The following HAPLN1 variants were observed in gnomAD, a reference collection of about 807,000 sequenced individuals.
The protein encoded by HAPLN1 is Cartilage link protein.
Under a neutral mutation model 36.5 loss-of-function variants are expected in HAPLN1, and 13 were observed. The observed-to-expected ratio is 0.36, with a 90% CI of 0.23 to 0.57. The LOEUF (loss-of-function observed/expected upper bound fraction) is 0.57, where lower values mean the gene tolerates loss of function less well. HAPLN1 is among the 20% of genes least tolerant of loss of function. The pLI is 0.83. For missense variants in HAPLN1, 407 were observed against 439.7 expected, an observed-to-expected ratio of 0.93 and a Z score of 0.66; for synonymous variants, 202 against 169.8, an observed-to-expected ratio of 1.19 and a Z score of -1.48.
At position 83,648,395 on chromosome 5, in the gene HAPLN1, C is replaced by CTATATATATATA. The variant is rs56115447; in HGVS notation, c.473-3742_473-3731dup. ...GGATGTGGCCTCTTCCTATATTTGA[C>CTATATATATATA]TATATATATATATATATATATATAT... On this transcript the variant is annotated intron_variant, in intron 3 of 4. Coordinates refer to ENST00000274341, the MANE Select transcript of HAPLN1 (RefSeq NM_001884.4). Among the ~76,000 whole-genome samples, 139 of 60,628 alleles carry CTATATATATATA rather than the reference C, an allele frequency of 2.3e-3. 5 individuals are homozygous for CTATATATATATA. Among genetic ancestry groups the CTATATATATATA allele is most frequent in the African/African-American group, 2.5e-3 (43 of 16,864 alleles). The allele number at this position is 60,628 out of a possible 152,430, so 39.8% of individuals were successfully genotyped here.
At chr5:83,691,474 G>C (rs781524999) in intron 1 of HAPLN1, among the ~76,000 whole-genome samples, 7 of 152,010 alleles carry the variant, frequency 4.6e-5, no homozygotes, top group Admixed American at 2.0e-4. Context: ...AATTCTTGGA[G>C]AAGGTTTAAA....
At chr5:83,650,625 T>A (rs1175791041) in intron 3 of HAPLN1, among the ~76,000 whole-genome samples, 1 of 141,736 alleles carries the variant, frequency 7.1e-6, no homozygotes, top group Non-Finnish European at 1.5e-5. Flanking sequence ...GAGAAAAAAA[T>A]TCTTTTCTTT....
intron 2 of HAPLN1, among the ~76,000 whole-genome samples, 172 bp from the exon 3 acceptor site, chr5:83,652,996 G>C (rs1750115733): frequency 2.0e-5 from 3 of 152,086 alleles, no homozygotes. Flanking sequence ...CTAATAACTA[G>C]AAGGTATCTC....
At chr5:83,712,052 A>G (rs1751796798) in intron 1 of HAPLN1, among the ~76,000 whole-genome samples, 1 of 152,216 alleles carries the variant, frequency 6.6e-6, no homozygotes, top group Admixed American at 6.5e-5. Flanking sequence ...ACTTGAAGTT[A>G]CTTTCTCTGT....
intron 1 of HAPLN1, among the ~76,000 whole-genome samples, chr5:83,714,363 TA>T (rs1168523512): frequency 1.3e-5 from 2 of 152,066 alleles, no homozygotes; most frequent in East Asian, 3.9e-4. Flanking sequence ...TGGGGTATAA[TA>T]AAAAAAACTA....
chr5:83,682,023 C>T (rs950308430), intron 1 of HAPLN1, among the ~76,000 whole-genome samples: 1 of 152,112 alleles, frequency 6.6e-6, no homozygotes, highest in South Asian at 2.1e-4. Context: ...TCGATCATTA[C>T]GTCAGTTTCA....
chr5:83,697,759 G>T (rs191038861), intron 1 of HAPLN1, among the ~76,000 whole-genome samples: 1 of 152,112 alleles, frequency 6.6e-6, no homozygotes, highest in African/African-American at 2.4e-5. Flanking sequence ...ATCTCATTAG[G>T]GGTATAACTC....
At chr5:83,706,915 C>T (rs1336256358) in intron 1 of HAPLN1, among the ~76,000 whole-genome samples, 1 of 152,150 alleles carries the variant, frequency 6.6e-6, no homozygotes, top group Non-Finnish European at 1.5e-5. Flanking sequence ...AAATCACTAG[C>T]ATTCCTATAC....
At chr5:83,649,241 A>G (rs1749974907) in intron 3 of HAPLN1, among the ~76,000 whole-genome samples, 4 of 152,176 alleles carry the variant, frequency 2.6e-5, no homozygotes. Context: ...GACAATGAAA[A>G]GTTAAACATT....
chr5:83,714,839 T>C (rs1367916832), intron 1 of HAPLN1, among the ~76,000 whole-genome samples: 1 of 152,214 alleles, frequency 6.6e-6, no homozygotes, highest in Non-Finnish European at 1.5e-5. Flanking sequence ...TGAAGCACTG[T>C]CATGAAGGGC....
Position 83,714,237 on chromosome 5 carries a change from C to T in HAPLN1, c.-27+6552G>A, listed in dbSNP as rs530002032. On this transcript the variant is annotated intron_variant, in intron 1 of 4. Coordinates refer to ENST00000274341, the MANE Select transcript of HAPLN1 (RefSeq NM_001884.4). The stretch of plus-strand genomic sequence containing the variant: ...ACTGGAAAGACACGAAAGGAAATCA[C>T]CTCTCTAAATCAGGGTCATCAGTCC... Among the ~76,000 whole-genome samples, 7 of 152,240 alleles carry T rather than the reference C, an allele frequency of 4.6e-5. No individual in the cohort carries two copies. The South Asian group carries it at 1.0e-3, about 23-fold the overall frequency.
chr5:83,690,987 G>T (rs1273808730), intron 1 of HAPLN1, among the ~76,000 whole-genome samples: 3 of 152,004 alleles, frequency 2.0e-5, no homozygotes, highest in Non-Finnish European at 2.9e-5. Context: ...AAGATGAGCA[G>T]TATTTACTCT....
intron 1 of HAPLN1, among the ~76,000 whole-genome samples, chr5:83,681,149 A>C (rs1405819729): frequency 6.6e-6 from 1 of 152,192 alleles, no homozygotes. Context: ...ATATTTTCTT[A>C]ATGTATAAAA....
At chr5:83,656,577 G>A (rs1750224010) in intron 2 of HAPLN1, among the ~76,000 whole-genome samples, 1 of 152,048 alleles carries the variant, frequency 6.6e-6, no homozygotes, top group Admixed American at 6.5e-5. Flanking sequence ...CATAAATGAG[G>A]CTGTATGTTG....
intron 2 of HAPLN1, among the ~76,000 whole-genome samples, chr5:83,657,656 T>C (rs1750258808): frequency 6.6e-6 from 1 of 152,088 alleles, no homozygotes; most frequent in South Asian, 2.1e-4. Flanking sequence ...CTGATACAAA[T>C]CAAAATTTCA....
intron 1 of HAPLN1, among the ~76,000 whole-genome samples, chr5:83,705,354 C>T (rs1751614574): frequency 7.9e-6 from 1 of 127,332 alleles, no homozygotes; most frequent in Non-Finnish European, 1.6e-5. Context: ...CGCACCATTA[C>T]ACTCCAGCCT....
At chr5:83,676,807 G>A (rs1406875819) in intron 1 of HAPLN1, among the ~76,000 whole-genome samples, 1 of 152,176 alleles carries the variant, frequency 6.6e-6, no homozygotes, top group Admixed American at 6.5e-5. Flanking sequence ...TTCACACATT[G>A]AAGGTCTCTT....
At chr5:83,663,129 C>T (rs1042012062) in intron 2 of HAPLN1, among the ~76,000 whole-genome samples, 4 of 152,116 alleles carry the variant, frequency 2.6e-5, no homozygotes, top group Admixed American at 6.5e-5. Flanking sequence ...AAAGACTGTA[C>T]CTATTGTGGG....
chr5:83,679,324 T>C (rs1004989536), intron 1 of HAPLN1, among the ~76,000 whole-genome samples: 42 of 152,308 alleles, frequency 2.8e-4, no homozygotes, highest in African/African-American at 9.6e-4. Flanking sequence ...GTATAAAACA[T>C]GGGAGGCTGA....
Sources: gnomAD v4.1 joint callset for allele counts (sites outside exome capture counted in the v4.1 genomes callset) on GRCh38, gnomAD v4.1.1 for gene constraint, MANE v1.5 for transcripts, NCBI Gene and HGNC (gene_info 2026-07-23, HGNC 2026-07-21) for gene names.